PIBF1: variants seen among roughly 807,000 people sequenced by gnomAD.
PIBF1 encodes progesterone immunomodulatory binding factor 1.
Under a neutral mutation model 112.5 loss-of-function variants are expected in PIBF1, and 90 were observed. The ratio of observed to expected loss-of-function variants is 0.80; its 90% CI spans 0.67 to 0.95. The LOEUF is 0.95. PIBF1 is among the 40% of genes least tolerant of loss of function. The pLI, the probability that PIBF1 is intolerant of heterozygous loss-of-function variation, is 0.00. For missense variants in PIBF1, 915 were observed against 852.3 expected, an observed-to-expected ratio of 1.07 and a Z score of -0.92; for synonymous variants, 301 against 288.6, an observed-to-expected ratio of 1.04 and a Z score of -0.44.
chr13:72,883,253 TG>T (rs1489587712), intron 10 of PIBF1, among the ~76,000 whole-genome samples: 1 of 152,192 alleles, frequency 6.6e-6, no homozygotes, highest in East Asian at 1.9e-4. Context: ...AAACTTTGCA[TG>T]TTCTCACTTG....
At chr13:72,869,124 C>A (rs1003048730) in intron 10 of PIBF1, among the ~76,000 whole-genome samples, 2 of 151,978 alleles carry the variant, frequency 1.3e-5, no homozygotes, top group Non-Finnish European at 2.9e-5. Context: ...GGGTATATAC[C>A]CAAAGGACTA....
At chr13:72,893,997 C>T (rs373291032) in intron 11 of PIBF1, 48 bp downstream of exon 11, 3 of 1,092,206 alleles carry the variant, frequency 2.7e-6, no homozygotes, top group Non-Finnish European at 3.8e-6. Context: ...ATGTAAACTC[C>T]CTAAGTACAA....
chr13:72,993,209 C>T (rs1384032055), intron 16 of PIBF1, among the ~76,000 whole-genome samples: 1 of 151,984 alleles, frequency 6.6e-6, no homozygotes, highest in East Asian at 1.9e-4. Context: ...CCTGTAGACC[C>T]AGCTACTCAG....
At chr13:73,000,143 A>T (rs7327552) in intron 17 of PIBF1, among the ~76,000 whole-genome samples, 31,063 of 152,166 alleles carry the variant, frequency 0.2, 3,253 homozygotes, top group East Asian at 0.25. Context: ...GGCTCAGTTG[A>T]CTAGCCTGGA....
intron 11 of PIBF1, among the ~76,000 whole-genome samples, chr13:72,904,429 A>ATTTATTTTTTTT (rs1240090172): frequency 2.0e-5 from 1 of 51,094 alleles, no homozygotes; most frequent in African/African-American, 8.6e-5. Context: ...ATATCAAAAT[A>ATTTATTTTTTTT]TTTCTTTTTT....
chr13:72,895,747 C>CTCCAGATTGTGAATTTTAGA (rs1566417939), intron 11 of PIBF1, among the ~76,000 whole-genome samples: 3 of 116,130 alleles, frequency 2.6e-5, no homozygotes, highest in African/African-American at 8.2e-5. Flanking sequence ...TGAATTTTAG[C>CTCCAGATTGTGAATTTTAGA]TCCAGATCGA....
intron 12 of PIBF1, among the ~76,000 whole-genome samples, chr13:72,914,985 C>T (rs1389128369): frequency 6.6e-6 from 1 of 151,962 alleles, no homozygotes; most frequent in African/African-American, 2.4e-5. Flanking sequence ...GATTTAATCA[C>T]CTGTGGATTG....
intron 9 of PIBF1, among the ~76,000 whole-genome samples, chr13:72,840,685 G>A (rs1397526117): frequency 6.6e-6 from 1 of 151,844 alleles, no homozygotes; most frequent in African/African-American, 2.4e-5. Context: ...CACCACGCCC[G>A]GCTAATTTTC....
At chr13:72,993,281 T>A (rs1276223053) in intron 16 of PIBF1, among the ~76,000 whole-genome samples, 1 of 151,004 alleles carries the variant, frequency 6.6e-6, no homozygotes, top group Non-Finnish European at 1.5e-5. Context: ...GCCAAGATTG[T>A]GCCACTGCAC....
chr13:72,987,851 TTTA>T (rs1566522156), intron 16 of PIBF1, among the ~76,000 whole-genome samples: 1 of 82,392 alleles, frequency 1.2e-5, no homozygotes, highest in African/African-American at 5.0e-5. Context: ...TATTTATTTA[TTTA>T]TTTATTTTTT....
At chr13:72,932,835 G>C (rs1269884531) in intron 14 of PIBF1, among the ~76,000 whole-genome samples, 1 of 152,156 alleles carries the variant, frequency 6.6e-6, no homozygotes, top group Non-Finnish European at 1.5e-5. Context: ...AGTTGTGTTT[G>C]ATAGCCAGCC....
At chr13:72,892,678 A>T (rs1428592223) in intron 10 of PIBF1, among the ~76,000 whole-genome samples, 1 of 152,044 alleles carries the variant, frequency 6.6e-6, no homozygotes, top group Non-Finnish European at 1.5e-5. Context: ...TAAGAATTAA[A>T]TGAGATACCA....
At chr13:72,816,765 G>A (rs990494698) in intron 5 of PIBF1, among the ~76,000 whole-genome samples, 2 of 149,958 alleles carry the variant, frequency 1.3e-5, no homozygotes, top group African/African-American at 4.9e-5. Flanking sequence ...TGAAAATTTA[G>A]CATGTAATAG....
chr13:72,890,152 A>G (rs905905502), intron 10 of PIBF1, among the ~76,000 whole-genome samples: 2 of 152,120 alleles, frequency 1.3e-5, no homozygotes, highest in African/African-American at 4.8e-5. Context: ...TTTGTTATGA[A>G]AACCTGTTAT....
At chr13:72,966,940 TC>T (rs1157730961) in intron 15 of PIBF1, among the ~76,000 whole-genome samples, 1 of 139,770 alleles carries the variant, frequency 7.2e-6, no homozygotes, top group Non-Finnish European at 1.5e-5. Context: ...AAATTTTGAA[TC>T]TTTTTTTTTT....
intron 5 of PIBF1, among the ~76,000 whole-genome samples, chr13:72,801,825 G>A (rs2035492781): frequency 1.3e-5 from 2 of 152,198 alleles, no homozygotes; most frequent in South Asian, 2.1e-4. Flanking sequence ...ACCATATGAA[G>A]TGTCACCAGT....
At chr13:72,805,243 C>T (rs534631215) in intron 5 of PIBF1, among the ~76,000 whole-genome samples, 3 of 152,232 alleles carry the variant, frequency 2.0e-5, no homozygotes, top group Non-Finnish European at 2.9e-5. Context: ...TCTGGGTTTA[C>T]GCCATTCTCC....
chr13:72,973,699 T>C (rs774691323), intron 16 of PIBF1, 24 bp downstream of exon 16: 1 of 1,330,124 alleles, frequency 7.5e-7, no homozygotes, highest in Non-Finnish European at 1.1e-6. Context: ...TTTGTCATAA[T>C]TGTAATCATT....
At chr13:72,862,293 T>G (rs1566372696) in intron 10 of PIBF1, among the ~76,000 whole-genome samples, 1 of 152,146 alleles carries the variant, frequency 6.6e-6, no homozygotes, top group Non-Finnish European at 1.5e-5. Flanking sequence ...GCAAAATAAG[T>G]AAGTCATTTA....
Sources: allele counts gnomAD v4.1 joint callset (sites outside exome capture counted in the v4.1 genomes callset), GRCh38; gene constraint gnomAD v4.1.1; transcripts MANE v1.5; gene names NCBI Gene and HGNC (gene_info 2026-07-23, HGNC 2026-07-21).